The following EML6 variants were observed in gnomAD, a reference collection of about 807,000 sequenced individuals.
EML6 encodes the protein EMAP like 6, also known as echinoderm microtubule-associated protein-like 6.
A neutral mutation model predicts 240.1 loss-of-function variants in EML6; 154 were observed. That is an observed-to-expected ratio of 0.64 (90% CI 0.56 to 0.73). The LOEUF is 0.73. Ranked by LOEUF, EML6 falls within the 30% of genes least tolerant of loss-of-function variation. The pLI, the probability that EML6 is intolerant of heterozygous loss-of-function variation, is 0.00. For missense variants in EML6, 2,964 were observed against 2,474.6 expected (o/e 1.20, Z -4.20); for synonymous variants, 1,148 against 899.0 (o/e 1.28, Z -4.95).
chr2:54,951,954 G>A (rs1319218734), intron 30 of EML6, among the ~76,000 whole-genome samples: 4 of 152,272 alleles, frequency 2.6e-5, no homozygotes, highest in African/African-American at 7.2e-5. Flanking sequence ...ATTTGGGTGG[G>A]TTTAAAGTGG....
intron 12 of EML6, among the ~76,000 whole-genome samples, chr2:54,860,479 G>A (rs1218601417): frequency 6.6e-6 from 1 of 152,120 alleles, no homozygotes; most frequent in Non-Finnish European, 1.5e-5. Flanking sequence ...ATATGCAACA[G>A]GGATTTAGAG....
intron 2 of EML6, among the ~76,000 whole-genome samples, chr2:54,786,347 T>A (rs1669087793): frequency 6.6e-6 from 1 of 152,186 alleles, no homozygotes; most frequent in African/African-American, 2.4e-5. Context: ...GTTACAATTC[T>A]TGACAGCAAA....
chr2:54,806,624 A>AAAAAG, intron 2 of EML6, among the ~76,000 whole-genome samples: 1 of 122,770 alleles, frequency 8.1e-6, no homozygotes, highest in Non-Finnish European at 1.7e-5. Flanking sequence ...AAAAAAAAAA[A>AAAAAG]AAAAAAAAAA....
At chr2:54,881,506 T>C (rs1671805952) in intron 17 of EML6, 2 of 151,820 alleles carry the variant, frequency 1.3e-5, no homozygotes, top group Admixed American at 6.6e-5. Flanking sequence ...AATATAAAAA[T>C]TAGCCAGGCG....
At chr2:54,916,684 CA>C in intron 25 of EML6, 74 bp from the exon 26 acceptor site, 1 of 1,186,244 alleles carries the variant, frequency 8.4e-7, no homozygotes, top group South Asian at 2.1e-5. Context: ...TAGAATTACT[CA>C]GGTGCAAACT....
At position 54,899,513 on chromosome 2, in the gene EML6, C is replaced by G. The variant is rs549551242; in HGVS notation, c.2983-128C>G. Reference sequence around the variant, plus strand: ...GTGATGATTTTGGTTCAAGGAAGCTCAAAGTGTGTTTATTCCTATTTGTGC... The same window carrying G: ...GTGATGATTTTGGTTCAAGGAAGCTGAAAGTGTGTTTATTCCTATTTGTGC... On this transcript the variant is annotated intron_variant, in intron 21 of 41. Transcript: ENST00000356458. The G allele has an allele frequency of 7.5e-6, 7 of 928,044 alleles. No homozygotes were observed. In the East Asian group the frequency reaches 2.0e-4, roughly 27 times the overall value. 57.5% of individuals were successfully genotyped at this position (928,044 alleles called of 1,614,324 possible). A position where few individuals can be genotyped will look rare whatever the true frequency, so the allele number is the denominator to read the frequency against.
intron 2 of EML6, among the ~76,000 whole-genome samples, chr2:54,738,676 T>C (rs1157793533): frequency 6.6e-6 from 1 of 152,256 alleles, no homozygotes; most frequent in African/African-American, 2.4e-5. Context: ...CATTCTTTTA[T>C]GTCTAGCTCC....
At chr2:54,749,488 T>A (rs1381840616) in intron 2 of EML6, among the ~76,000 whole-genome samples, 1 of 152,136 alleles carries the variant, frequency 6.6e-6, no homozygotes, top group Non-Finnish European at 1.5e-5. Context: ...ATATATATTA[T>A]CGATGCAGAG....
chr2:54,829,010 C>CT (rs1668731778), intron 6 of EML6, among the ~76,000 whole-genome samples: 1 of 152,178 alleles, frequency 6.6e-6, no homozygotes, highest in Non-Finnish European at 1.5e-5. Context: ...CCATAGTTGT[C>CT]TTTTCTCTCT....
intron 2 of EML6, among the ~76,000 whole-genome samples, chr2:54,760,822 A>ATT (rs200476039): frequency 0.069 from 8,352 of 120,242 alleles, 339 homozygotes; most frequent in Middle Eastern, 0.14. Context: ...TTGAGGGAGC[A>ATT]TTTTTTTTTT....
intron 7 of EML6, among the ~76,000 whole-genome samples, chr2:54,839,763 T>A (rs1207490653): frequency 2.0e-5 from 3 of 152,202 alleles, no homozygotes; most frequent in African/African-American, 7.2e-5. Flanking sequence ...CTGGCACTCT[T>A]CTGAGGAATG....
intron 36 of EML6, 86 bp downstream of exon 36, chr2:54,962,797 C>T (rs1676581320): frequency 8.5e-7 from 1 of 1,172,084 alleles, no homozygotes; most frequent in East Asian, 2.9e-5. Flanking sequence ...CAGCCAGCGT[C>T]ATGGCAGAGA....
chr2:54,887,422 T>C (rs1033309719), intron 17 of EML6, among the ~76,000 whole-genome samples: 6 of 152,216 alleles, frequency 3.9e-5, no homozygotes, highest in African/African-American at 1.4e-4. Context: ...TTAGGGTTAT[T>C]TGAGTTTTGT....
At chr2:54,771,958 T>C (rs1432371258) in intron 2 of EML6, among the ~76,000 whole-genome samples, 1 of 152,232 alleles carries the variant, frequency 6.6e-6, no homozygotes. Flanking sequence ...CTGTAGGCTA[T>C]ACAAACTAAA....
intron 2 of EML6, among the ~76,000 whole-genome samples, chr2:54,789,606 G>A (rs895061389): frequency 6.8e-6 from 1 of 148,028 alleles, no homozygotes; most frequent in African/African-American, 2.5e-5. Context: ...CCCACCTGAT[G>A]TTGTCTTCCG....
At chr2:54,856,712 G>T (rs1194291785) in intron 11 of EML6, among the ~76,000 whole-genome samples, 1 of 152,186 alleles carries the variant, frequency 6.6e-6, no homozygotes, top group Non-Finnish European at 1.5e-5. Flanking sequence ...ACAGGGCTGT[G>T]TCGTAAAGGG....
intron 25 of EML6, among the ~76,000 whole-genome samples, 167 bp from the exon 26 acceptor site, chr2:54,916,592 G>T (rs1300955055): frequency 6.6e-6 from 1 of 152,170 alleles, no homozygotes. Context: ...TGAAGACAAT[G>T]CAAATAACCA....
chr2:54,823,302 G>A (rs191292772), intron 5 of EML6, among the ~76,000 whole-genome samples: 4 of 152,120 alleles, frequency 2.6e-5, no homozygotes, highest in Non-Finnish European at 5.9e-5. Flanking sequence ...GGAAGGGTCG[G>A]GAGGCAGAAC....
intron 28 of EML6, among the ~76,000 whole-genome samples, chr2:54,936,154 A>G (rs1675123719): frequency 6.6e-6 from 1 of 152,228 alleles, no homozygotes; most frequent in South Asian, 2.1e-4. Flanking sequence ...GCCAATGTCT[A>G]CATTTTTTGT....
Sources: allele counts gnomAD v4.1 joint callset (sites outside exome capture counted in the v4.1 genomes callset), GRCh38; gene constraint gnomAD v4.1.1; transcripts MANE v1.5; gene names NCBI Gene and HGNC (gene_info 2026-07-23, HGNC 2026-07-21).